The following XPO1 variants were observed in gnomAD, a reference collection of about 807,000 sequenced individuals.
The protein encoded by XPO1 is exportin 1.
In XPO1, 5 loss-of-function variants were observed where a neutral mutation model predicts 133.3. The observed-to-expected ratio is 0.04, with a 90% CI of 0.02 to 0.08. The LOEUF (loss-of-function observed/expected upper bound fraction) is 0.08, where lower values mean the gene tolerates loss of function less well. XPO1 is among the 10% of genes least tolerant of loss of function. The pLI is 1.00. For missense variants in XPO1, 506 were observed against 1,267.5 expected (o/e 0.40, Z 9.12); for synonymous variants, 419 against 408.2 (o/e 1.03, Z -0.32).
rs1441467096 is a variant in XPO1 at position 61,482,991 on chromosome 2, G to A, written c.2778C>T (p.Ile926=). Reference sequence around the variant, plus strand: ...GTGAAGTGTCTGTCACAACAGAAAAGATATGCTGGAGAATATCACAAAAAT... The same window carrying A: ...GTGAAGTGTCTGTCACAACAGAAAAAATATGCTGGAGAATATCACAAAAAT... The part of the protein sequence containing the change: ...QTYFCDILQH[I]FSVVTDTSHT... Residue 926 remains isoleucine (I), a synonymous_variant, in exon 22 of 25, where the codon ATC becomes ATT. Coordinates refer to ENST00000401558, the MANE Select transcript of XPO1 (RefSeq NM_003400.4). 7 of 1,613,270 alleles carry A rather than the reference G, an allele frequency of 4.3e-6. No individual in the cohort carries two copies. The highest frequency in any genetic ancestry group is 5.9e-6 in the Non-Finnish European group (7 of 1,179,880).
At position 61,492,829 on chromosome 2, in the gene XPO1, A is replaced by G. The variant is rs760130512; in HGVS notation, c.1385-81T>C. On this transcript the variant is annotated intron_variant, in intron 13 of 24. Transcript: ENST00000401558. The surrounding 1 kb of genome is among the most constrained non-coding windows in gnomAD (Gnocchi z 5.6). Reference sequence around the variant, plus strand: ...GTAACAATACATTTAGAAAATATTTAGAAACTACAAGTACATTTCCTAAAA... The same window carrying G: ...GTAACAATACATTTAGAAAATATTTGGAAACTACAAGTACATTTCCTAAAA... 6.4e-7 allele frequency: 1 copy of G among 1,557,646 alleles called. No homozygotes were observed. Among genetic ancestry groups the G allele is most frequent in the South Asian group, 1.2e-5 (1 of 83,652 alleles).
At chr2:61,510,734 C>T (rs1351821716) in intron 4 of XPO1, among the ~76,000 whole-genome samples, 1 of 151,980 alleles carries the variant, frequency 6.6e-6, no homozygotes, top group African/African-American at 2.4e-5. Context: ...CCCAGGAGTT[C>T]AGGACCAGCC....
intron 2 of XPO1, among the ~76,000 whole-genome samples, chr2:61,527,295 G>C (rs1293212430): frequency 6.8e-6 from 1 of 146,494 alleles, no homozygotes; most frequent in East Asian, 2.0e-4. Context: ...CTAGGTGACA[G>C]GCAATGTAAC....
chr2:61,495,697 C>G, intron 10 of XPO1, 84 bp from the exon 11 acceptor site: 1 of 1,336,924 alleles, frequency 7.5e-7, no homozygotes, highest in Non-Finnish European at 9.8e-7. Context: ...TTTTTTGAGA[C>G]AAGGTATCAC....
chr2:61,517,892 G>T lies in XPO1; in HGVS notation c.301+4719C>A, dbSNP rs532912459. Among the ~76,000 whole-genome samples the T allele has an allele frequency of 2.6e-5, 4 of 152,230 alleles. No homozygotes were observed. In the East Asian group the frequency reaches 5.8e-4, roughly 22 times the overall value. ...CTCACGCCTATAATCCCAGCACTCT[G>T]GGAGGGTGAGGATCACCTGAAGTCA... On this transcript the variant is annotated intron_variant, in intron 4 of 24. Transcript: ENST00000401558.
intron 20 of XPO1, 26 bp from the exon 21 acceptor site, chr2:61,484,131 T>C: frequency 1.3e-6 from 2 of 1,592,768 alleles, no homozygotes; most frequent in South Asian, 2.2e-5. Flanking sequence ...GGAAACAAAA[T>C]AATGTTTCAG....
At chr2:61,501,945 T>A in intron 6 of XPO1, 51 bp downstream of exon 6, 1 of 1,468,460 alleles carries the variant, frequency 6.8e-7, no homozygotes, top group South Asian at 1.2e-5. Context: ...AACATTTTGT[T>A]CAAATAATAA....
At chr2:61,520,047 A>G (rs1209726088) in intron 4 of XPO1, among the ~76,000 whole-genome samples, 1 of 152,162 alleles carries the variant, frequency 6.6e-6, no homozygotes, top group Non-Finnish European at 1.5e-5. Flanking sequence ...ATGTACATGT[A>G]TATTTTTATA....
At chr2:61,512,067 C>T (rs1307103825) in intron 4 of XPO1, among the ~76,000 whole-genome samples, 1 of 152,154 alleles carries the variant, frequency 6.6e-6, no homozygotes, top group Non-Finnish European at 1.5e-5. Context: ...TCGCACCAGG[C>T]ATTAAGTATA....
intron 4 of XPO1, among the ~76,000 whole-genome samples, chr2:61,519,719 A>AC (rs1698595367): frequency 7.2e-6 from 1 of 138,330 alleles, no homozygotes; most frequent in African/African-American, 2.6e-5. Flanking sequence ...AAAAAAAAAA[A>AC]AAAACACCAC....
At chr2:61,497,083 G>T in intron 9 of XPO1, 76 bp from the exon 10 acceptor site, 2 of 1,516,798 alleles carry the variant, frequency 1.3e-6, no homozygotes, top group Non-Finnish European at 1.8e-6. Context: ...CAATTAAAAG[G>T]AAAAAGGCTT....
chr2:61,487,891 TCCTAA>T lies in XPO1; in HGVS notation c.2313+269_2313+273del, dbSNP rs1696775861. Among the ~76,000 whole-genome samples the T allele has an allele frequency of 2.0e-5, 3 of 152,308 alleles. No homozygotes were observed. In the South Asian group the frequency reaches 6.2e-4, roughly 32 times the overall value. ...CACCGGTACTCCATTAATTAAATCC[TCCTAA>T]CCTATCTATGGAAACATAAAATGAC... On this transcript the variant is annotated intron_variant, in intron 19 of 24. Transcript: ENST00000401558.
chr2:61,491,459 AACACACACACACACACAC>A lies in XPO1; in HGVS notation c.1887+558_1887+575del, dbSNP rs61072503. Among the ~76,000 whole-genome samples, 60 of 143,008 alleles carry A rather than the reference AACACACACACACACACAC, an allele frequency of 4.2e-4. 1 individual carries two copies. In the South Asian group the frequency reaches 9.3e-3, roughly 22 times the overall value. The allele number at this position is 143,008 out of a possible 152,430, so 93.8% of individuals were successfully genotyped here. Reference sequence around the variant, plus strand: ...GAGTGAAACTCCATCTCAAAAAACAAACACACACACACACACACACACACACACACACACACACCCCAA... The same window carrying A: ...GAGTGAAACTCCATCTCAAAAAACAAACACACACACACACACACACCCCAA... On this transcript the variant is annotated intron_variant, in intron 16 of 24. Transcript: ENST00000401558.
chr2:61,502,965 CTTTTTTTTT>C (rs201077547), intron 4 of XPO1, among the ~76,000 whole-genome samples: 1 of 138,304 alleles, frequency 7.2e-6, no homozygotes. Flanking sequence ...TGTTTCTTTT[CTTTTTTTTT>C]TTTTTTTTTG....
rs141632480 is a variant in XPO1 at position 61,492,891 on chromosome 2, G to T, written c.1384+24C>A. ...CCCAGAATAGATTTATAAAGGTAAA[G>T]ATTAACAGTATTTATTAACTTACCC... On this transcript the variant is annotated intron_variant, in intron 13 of 24. Transcript: ENST00000401558. This position sits in a 1 kb window ranked among gnomAD's most constrained non-coding sequence, Gnocchi z 5.6. The T allele has an allele frequency of 3.7e-3, 5,915 of 1,582,986 alleles. 14 individuals carry two copies. Among genetic ancestry groups the T allele is most frequent in the Non-Finnish European group, 4.3e-3 (4,968 of 1,166,100 alleles).
chr2:61,503,253 G>C (rs1027103515), intron 4 of XPO1, among the ~76,000 whole-genome samples: 1 of 151,044 alleles, frequency 6.6e-6, no homozygotes, highest in East Asian at 2.0e-4. Flanking sequence ...TACTGCACCC[G>C]GCCTTTTCTT....
intron 3 of XPO1, chr2:61,525,330 C>G: frequency 2.0e-6 from 2 of 986,892 alleles, no homozygotes; most frequent in Non-Finnish European, 2.4e-6. Context: ...CACCCCTTTT[C>G]TTCCTATTAC....
Position 61,483,077 on chromosome 2 carries a change from A to G in XPO1, c.2692T>C (p.Phe898Leu). The change falls in exon 22 of 25, where the codon TTT (phenylalanine) becomes CTT (leucine). Residue 898 changes from phenylalanine (F) to leucine (L), a missense_variant. Phe to Leu is a conservative substitution (Grantham distance 22, BLOSUM62 0). Coordinates refer to ENST00000401558, the MANE Select transcript of XPO1 (RefSeq NM_003400.4). ...TGTGCAACATTTTGTAAGAGTGTAA[A>G]AAGTATCTGTAAGCCTAAAAGACAT... ...NVADTGLQIL[F>L]TLLQNVAQEE... is the part of the protein sequence containing the mutation. 6.2e-7 allele frequency: 1 copy of G among 1,612,558 alleles called. No individual in the cohort carries two copies. Among genetic ancestry groups the G allele is most frequent in the East Asian group, 2.2e-5 (1 of 44,866 alleles).
chr2:61,494,746 T>C (rs1697156639), intron 11 of XPO1: 1 of 150,582 alleles, frequency 6.6e-6, no homozygotes, highest in African/African-American at 2.4e-5. Context: ...TATATACTAA[T>C]ATGCCACTGA....
Sources: gnomAD v4.1 joint callset for allele counts (sites outside exome capture counted in the v4.1 genomes callset) on GRCh38, gnomAD v4.1.1 for gene constraint, Gnocchi (gnomAD v3.1) non-coding constraint, MANE v1.5 for transcripts, NCBI Gene and HGNC (gene_info 2026-07-23, HGNC 2026-07-21) for gene names.